Variants in SGCD observed in about 807,000 individuals in gnomAD.
SGCD encodes delta-sarcoglycan.
Under a neutral mutation model 36.6 loss-of-function variants are expected in SGCD, and 18 were observed. That is an observed-to-expected ratio of 0.49 (90% confidence interval 0.34 to 0.73). The LOEUF (loss-of-function observed/expected upper bound fraction) is 0.73, where lower values mean the gene tolerates loss of function less well. SGCD is among the 30% of genes least tolerant of loss of function. The probability of loss-of-function intolerance (pLI) is 0.01; values close to 1 mark genes in which losing one functional copy is unlikely to be tolerated. For missense variants in SGCD, 387 were observed against 346.7 expected (o/e 1.12, Z -0.92); for synonymous variants, 133 against 130.6 (o/e 1.02, Z -0.12).
At chr5:156,319,101 T>C (rs1767594850) in intron 3 of SGCD, among the ~76,000 whole-genome samples, 1 of 152,196 alleles carries the variant, frequency 6.6e-6, no homozygotes, top group African/African-American at 2.4e-5. Flanking sequence ...TATATTTCTT[T>C]GTATCTATTA....
intron 3 of SGCD, among the ~76,000 whole-genome samples, chr5:156,503,100 T>C (rs1314987768): frequency 6.6e-6 from 1 of 152,240 alleles, no homozygotes; most frequent in African/African-American, 2.4e-5. Flanking sequence ...TGAGGAAAGA[T>C]TAAATTACTT....
At chr5:156,329,941 C>A (rs374626576) in intron 2 of SGCD, among the ~76,000 whole-genome samples, 1 of 141,964 alleles carries the variant, frequency 7.0e-6, no homozygotes, top group Non-Finnish European at 1.5e-5. Flanking sequence ...GGCGTGAACC[C>A]GGAAGGTGGA....
At chr5:156,110,804 A>G (rs1488550825) in intron 1 of SGCD, among the ~76,000 whole-genome samples, 1 of 152,150 alleles carries the variant, frequency 6.6e-6, no homozygotes, top group African/African-American at 2.4e-5. Flanking sequence ...TTGTCATAAA[A>G]TCATTGAAAG....
chr5:156,359,950 C>G (rs1444381763), intron 3 of SGCD, among the ~76,000 whole-genome samples: 1 of 152,134 alleles, frequency 6.6e-6, no homozygotes, highest in Non-Finnish European at 1.5e-5. Flanking sequence ...GGAGCAAATC[C>G]TCTCAGTCCA....
In SGCD at chr5:156,186,165, C is replaced by G. The variant is rs1007714417; in HGVS notation, c.-44+62146C>G. Among the ~76,000 whole-genome samples, 20 of 151,526 alleles carry G rather than the reference C, an allele frequency of 1.3e-4. 1 individual carries two copies. The South Asian group carries it at 3.4e-3, about 25-fold the overall frequency. On this transcript the variant is annotated intron_variant, in intron 3 of 9. Coordinates refer to the SGCD transcript ENST00000517913. ...AAAACCTGTTGAACCCCTCTTATAC[C>G]AGGACCTGAACTAAGGAGTGGATTA...
At chr5:155,848,667 C>T in the SGCD span, among the ~76,000 whole-genome samples, 1 of 152,132 alleles carries the variant, frequency 6.6e-6, no homozygotes, top group Admixed American at 6.6e-5. Context: ...CTCATCCTCT[C>T]TAATATAAAA....
At chr5:156,330,736 G>A (rs1024186951) in intron 2 of SGCD, among the ~76,000 whole-genome samples, 5 of 152,156 alleles carry the variant, frequency 3.3e-5, no homozygotes, top group Non-Finnish European at 5.9e-5. Context: ...AAAGGAAGAG[G>A]GTGATTGTAG....
chr5:156,594,904 TA>T (rs1554119758), intron 5 of SGCD, 27 bp from the exon 6 acceptor site: 1 of 1,473,666 alleles, frequency 6.8e-7, no homozygotes, highest in Non-Finnish European at 9.4e-7. Context: ...CTCTCCTCTC[TA>T]TCTCTCTATC....
intron 1 of SGCD, among the ~76,000 whole-genome samples, chr5:155,908,141 A>G (rs1201757448): frequency 6.6e-6 from 1 of 152,172 alleles, no homozygotes; most frequent in African/African-American, 2.4e-5. Context: ...ACATGTACAT[A>G]TATTAAGACA....
upstream of SGCD, among the ~76,000 whole-genome samples, chr5:155,866,049 C>G (rs1411544848): frequency 2.0e-5 from 3 of 152,154 alleles, no homozygotes; most frequent in Non-Finnish European, 4.4e-5. Flanking sequence ...GTTGCACAAA[C>G]AGTTTTTCTT....
intron 3 of SGCD, among the ~76,000 whole-genome samples, chr5:156,222,168 T>G (rs924496272): frequency 6.6e-6 from 1 of 152,220 alleles, no homozygotes; most frequent in South Asian, 2.1e-4. Flanking sequence ...ATGAGCTCCC[T>G]GTCAGTGGAA....
At chr5:156,048,679 T>A (rs1249970876) in intron 1 of SGCD, among the ~76,000 whole-genome samples, 2 of 152,220 alleles carry the variant, frequency 1.3e-5, no homozygotes, top group Non-Finnish European at 2.9e-5. Flanking sequence ...GTTGTTTGTT[T>A]TTTTCTTGTA....
rs1176157694 is a variant in SGCD, at chr5:155,979,639, G to A, written c.-282+109215G>A. Among the ~76,000 whole-genome samples the A allele has an allele frequency of 2.6e-5, 4 of 152,352 alleles. No homozygotes were observed. The East Asian group carries it at 7.7e-4, about 29-fold the overall frequency. ...CTCCACAATTATGCCTAGTGGAGGTGAGGAAATGGCTTTTGAACTGCTGCT... is the reference window on the plus strand; with the variant it reads ...CTCCACAATTATGCCTAGTGGAGGTAAGGAAATGGCTTTTGAACTGCTGCT... On this transcript the variant is annotated intron_variant, in intron 1 of 9. Transcript: ENST00000517913.
the SGCD span, among the ~76,000 whole-genome samples, chr5:155,838,992 C>T: frequency 6.6e-6 from 1 of 152,088 alleles, no homozygotes; most frequent in Non-Finnish European, 1.5e-5. Flanking sequence ...AATAGGTTTT[C>T]AGAAGGTTTA....
intron 3 of SGCD, among the ~76,000 whole-genome samples, chr5:156,253,183 G>A (rs1765626906): frequency 6.6e-6 from 1 of 152,134 alleles, no homozygotes; most frequent in Non-Finnish European, 1.5e-5. Context: ...TTGGGAACAG[G>A]AAAGGAACAA....
chr5:156,004,629 T>C (rs28639474), intron 1 of SGCD, among the ~76,000 whole-genome samples: 8,809 of 152,242 alleles, frequency 0.058, 821 homozygotes, highest in African/African-American at 0.19. Context: ...CACTGTGTTT[T>C]GAGTAGGAAA....
chr5:156,277,942 G>A (rs752022470), intron 3 of SGCD, among the ~76,000 whole-genome samples: 76 of 152,204 alleles, frequency 5.0e-4, no homozygotes, highest in Non-Finnish European at 9.9e-4. Flanking sequence ...TGGACATTAC[G>A]CACACAATTG....
intron 3 of SGCD, among the ~76,000 whole-genome samples, chr5:156,198,644 G>A (rs868229851): frequency 2.0e-5 from 3 of 152,162 alleles, no homozygotes; most frequent in Admixed American, 6.6e-5. Flanking sequence ...TGAAAGAATA[G>A]TTTTTCCCTT....
intron 1 of SGCD, among the ~76,000 whole-genome samples, chr5:155,899,855 G>T (rs1226016767): frequency 1.3e-5 from 2 of 152,160 alleles, no homozygotes; most frequent in Non-Finnish European, 2.9e-5. Flanking sequence ...ATTCCCATTT[G>T]CAGACAGTTC....
Sources: allele counts gnomAD v4.1 joint callset (sites outside exome capture counted in the v4.1 genomes callset), GRCh38; gene constraint gnomAD v4.1.1; transcripts MANE v1.5; gene names NCBI Gene and HGNC (gene_info 2026-07-23, HGNC 2026-07-21).